Variants in PCDHGA9 observed in about 807,000 individuals in gnomAD.
PCDHGA9 encodes the protein protocadherin gamma subfamily A, 9, also known as protocadherin gamma-A9.
Under a neutral mutation model 62.5 loss-of-function variants are expected in PCDHGA9, and 37 were observed. That is an observed-to-expected ratio of 0.59 (90% CI 0.46 to 0.78). The LOEUF is 0.78. PCDHGA9 is among the 30% of genes least tolerant of loss of function. The pLI, the probability that PCDHGA9 is intolerant of heterozygous loss-of-function variation, is 0.00. For synonymous variants in PCDHGA9, 459 were observed against 484.6 expected, an observed-to-expected ratio of 0.95 and a Z score of 0.69; for missense variants, 1,138 against 1,166.2, an observed-to-expected ratio of 0.98 and a Z score of 0.35.
In PCDHGA9 at chr5:141,491,921, A is replaced by T; in HGVS notation, c.2425-2886A>T. ...CCGGGGGTGGTGGCGACTGTGGGCG[A>T]GGGGAGGTGGGACCGACCCCCACCC... On this transcript the variant is annotated intron_variant, in intron 1 of 3. Coordinates refer to ENST00000573521, the MANE Select transcript of PCDHGA9 (RefSeq NM_018921.3). The surrounding 1 kb of genome is among the most constrained non-coding windows in gnomAD (Gnocchi z 6.9). The T allele has an allele frequency of 1.5e-6, 2 of 1,353,738 alleles. No homozygotes were observed. Among genetic ancestry groups the T allele is most frequent in the Non-Finnish European group, 2.0e-6 (2 of 1,013,388 alleles). 83.9% of individuals were successfully genotyped at this position (1,353,738 alleles called of 1,614,324 possible). A position where few individuals can be genotyped will look rare whatever the true frequency, so the allele number is the denominator to read the frequency against.
Position 141,432,436 on chromosome 5 carries a change from G to A in PCDHGA9, c.2424+27060G>A, listed in dbSNP as rs753833603. On this transcript the variant is annotated intron_variant, in intron 1 of 3. Coordinates refer to ENST00000573521, the MANE Select transcript of PCDHGA9 (RefSeq NM_018921.3). The surrounding 1 kb of genome is among the most constrained non-coding windows in gnomAD (Gnocchi z 6.0). ...TCGTGCTGGACCAGAACGACAATGC[G>A]CCCGAGATCCTGTACCCCGCCCTCC... The A allele has an allele frequency of 4.3e-6, 7 of 1,614,196 alleles. No homozygotes were observed. The highest frequency in any genetic ancestry group is 1.1e-5 in the South Asian group (1 of 91,084).
Position 141,405,369 on chromosome 5 carries a change from T to C in PCDHGA9, c.2417T>C (p.Leu806Ser). Residue 806 changes from leucine to serine, a missense_variant, in exon 1 of 4, where the codon TTG (leucine) becomes TCG (serine). Physicochemically the swap from Leu to Ser is moderately radical, Grantham distance 145. Coordinates refer to ENST00000573521, the MANE Select transcript of PCDHGA9 (RefSeq NM_018921.3). Reference sequence around the variant, plus strand: ...AAGTTTCCTATAGAAGACACCCCTTTGGTTCCGGTGAGTTCATTTTTTTTC... The same window carrying C: ...AAGTTTCCTATAGAAGACACCCCTTCGGTTCCGGTGAGTTCATTTTTTTTC... Reference protein sequence around the residue: ...DSKFPIEDTPLVPQAPPNTDW... With the variant: ...DSKFPIEDTPSVPQAPPNTDW... 1.9e-6 allele frequency: 3 copies of C among 1,606,526 alleles called. No homozygotes were observed. The highest frequency in any genetic ancestry group is 2.5e-6 in the Non-Finnish European group (3 of 1,178,024).
At chr5:141,414,699 C>T (rs2095778847) in intron 1 of PCDHGA9, 2 of 1,613,952 alleles carry the variant, frequency 1.2e-6, no homozygotes, top group Non-Finnish European at 1.7e-6. Context: ...TGTCCTCATA[C>T]ATATCCATCA....
rs1468315559 is a variant in PCDHGA9 at position 141,493,636 on chromosome 5, G to A, written c.2425-1171G>A. 1.3e-5 allele frequency among the ~76,000 whole-genome samples: 2 copies of A among 152,130 alleles called. No individual in the cohort carries two copies. Among genetic ancestry groups the A allele is most frequent in the Non-Finnish European group, 2.9e-5 (2 of 68,040 alleles). The stretch of plus-strand genomic sequence containing the variant: ...TGTGTCTAAGAATACAGTGGCTGAG[G>A]GCTGGCCATCCCTGTGCCCTTCTCC... On this transcript the variant is annotated intron_variant, in intron 1 of 3. Transcript: ENST00000573521. The surrounding 1 kb of genome is among the most constrained non-coding windows in gnomAD (Gnocchi z 4.3).
At chr5:141,464,279 C>CAAA (rs373828487) in intron 1 of PCDHGA9, among the ~76,000 whole-genome samples, 8 of 137,748 alleles carry the variant, frequency 5.8e-5, no homozygotes, top group Admixed American at 1.5e-4. Flanking sequence ...AAAAAAAAAG[C>CAAA]AAAAAAAAAA....
chr5:141,413,135 T>TGTCC (rs767378713), intron 1 of PCDHGA9: 1 of 1,545,632 alleles, frequency 6.5e-7, no homozygotes, highest in Non-Finnish European at 8.7e-7. Context: ...ACACACAACG[T>TGTCC]GTCCAGTGAG....
intron 1 of PCDHGA9, among the ~76,000 whole-genome samples, chr5:141,462,483 G>T (rs1402125086): frequency 2.0e-5 from 3 of 151,986 alleles, no homozygotes; most frequent in African/African-American, 7.3e-5. Context: ...TCTCGTGGTT[G>T]TTGTATCCTA....
intron 1 of PCDHGA9, among the ~76,000 whole-genome samples, chr5:141,429,369 G>A (rs1368624471): frequency 6.7e-6 from 1 of 148,994 alleles, no homozygotes; most frequent in Non-Finnish European, 1.5e-5. Context: ...AGAAAATGGA[G>A]AAAATGTGTT....
At chr5:141,410,821 C>A in intron 1 of PCDHGA9, 1 of 441,370 alleles carries the variant, frequency 2.3e-6, no homozygotes, top group Non-Finnish European at 3.8e-6. Context: ...AAAATAATGT[C>A]ACCAGACTGA....
chr5:141,487,750 T>A lies in PCDHGA9; in HGVS notation c.2425-7057T>A, dbSNP rs2099664307. On this transcript the variant is annotated intron_variant, in intron 1 of 3. Coordinates refer to ENST00000573521, the MANE Select transcript of PCDHGA9 (RefSeq NM_018921.3). The surrounding 1 kb of genome is among the most constrained non-coding windows in gnomAD (Gnocchi z 5.0). Reference sequence around the variant, plus strand: ...TCACCATTTTTGTAAGAGGTAACTATGTGGTAGACGCTGTGCTTTGTAACT... The same window carrying A: ...TCACCATTTTTGTAAGAGGTAACTAAGTGGTAGACGCTGTGCTTTGTAACT... 1 of 1,555,392 alleles carries A rather than the reference T, an allele frequency of 6.4e-7. No homozygotes were observed. Among genetic ancestry groups the A allele is most frequent in the African/African-American group, 1.4e-5 (1 of 73,376 alleles).
chr5:141,430,337 C>G (rs531455580), intron 1 of PCDHGA9, among the ~76,000 whole-genome samples: 1 of 150,908 alleles, frequency 6.6e-6, no homozygotes, highest in East Asian at 2.0e-4. Context: ...TTTATAGAAA[C>G]TTCCAATTCA....
In PCDHGA9 at chr5:141,413,412, C is replaced by T. The variant is rs747352426; in HGVS notation, c.2424+8036C>T. ...TCTCCAGAGGTAGGACGCAGCTTTT[C>T]TCTCTGAACCCGCGCAGCGGCAGCT... On this transcript the variant is annotated intron_variant, in intron 1 of 3. Transcript: ENST00000573521. 5.6e-6 allele frequency: 9 copies of T among 1,613,954 alleles called. No individual in the cohort carries two copies. The African/African-American group carries it at 1.2e-4, about 22-fold the overall frequency.
chr5:141,428,148 G>A (rs774961575), intron 1 of PCDHGA9: 6 of 1,588,024 alleles, frequency 3.8e-6, no homozygotes, highest in East Asian at 4.5e-5. Flanking sequence ...GCTGCACACG[G>A]GAACCTGCTG....
chr5:141,414,371 A>G (rs1447111430), intron 1 of PCDHGA9: 1 of 1,613,954 alleles, frequency 6.2e-7, no homozygotes, highest in South Asian at 1.1e-5. Flanking sequence ...TTTAAATTAG[A>G]AAAGTCCATT....
chr5:141,435,855 G>A (rs1164301394), intron 1 of PCDHGA9, among the ~76,000 whole-genome samples: 1 of 152,006 alleles, frequency 6.6e-6, no homozygotes, highest in Non-Finnish European at 1.5e-5. Flanking sequence ...AGATACAATA[G>A]TTAAAACCCA....
At chr5:141,459,375 C>T (rs973503237) in intron 1 of PCDHGA9, among the ~76,000 whole-genome samples, 2 of 152,194 alleles carry the variant, frequency 1.3e-5, no homozygotes, top group African/African-American at 4.8e-5. Flanking sequence ...GTATCAGCAG[C>T]GTGTTCCATT....
rs764976894 is a variant in PCDHGA9, at chr5:141,476,238, G to T, written c.2425-18569G>T. On this transcript the variant is annotated intron_variant, in intron 1 of 3. Transcript: ENST00000573521. The surrounding 1 kb of genome is among the most constrained non-coding windows in gnomAD (Gnocchi z 7.6). ...ATTCACTATGAGATCCCGGAGGAAA[G>T]AGAGAAGGGTTTCGCTGTGGGCAAC... is the stretch of plus-strand genomic sequence containing the variant. The T allele has an allele frequency of 3.1e-6, 5 of 1,614,098 alleles. No individual in the cohort carries two copies. The highest frequency in any genetic ancestry group is 4.2e-6 in the Non-Finnish European group (5 of 1,180,012).
In PCDHGA9 at chr5:141,477,798, A is replaced by G; in HGVS notation, c.2425-17009A>G. On this transcript the variant is annotated intron_variant, in intron 1 of 3. Transcript: ENST00000573521. The surrounding 1 kb of genome is among the most constrained non-coding windows in gnomAD (Gnocchi z 4.9). ...GTGAACATATTTGTCACTGATCGCA[A>G]TGACAATGCCCCCCAGGTCCTATAT... The G allele has an allele frequency of 6.2e-7, 1 of 1,614,140 alleles. No homozygotes were observed. The highest frequency in any genetic ancestry group is 8.5e-7 in the Non-Finnish European group (1 of 1,180,038).
At chr5:141,449,101 G>T (rs1020443363) in intron 1 of PCDHGA9, among the ~76,000 whole-genome samples, 3 of 152,144 alleles carry the variant, frequency 2.0e-5, no homozygotes, top group Non-Finnish European at 4.4e-5. Flanking sequence ...TACATATGCA[G>T]TATATCTTTG....
Sources: gnomAD v4.1 joint callset for allele counts (sites outside exome capture counted in the v4.1 genomes callset) on GRCh38, gnomAD v4.1.1 for gene constraint, Gnocchi (gnomAD v3.1) non-coding constraint, MANE v1.5 for transcripts, NCBI Gene and HGNC (gene_info 2026-07-23, HGNC 2026-07-21) for gene names.